The following ZNF587B variants were observed in gnomAD, a reference collection of about 807,000 sequenced individuals.
ZNF587B encodes zinc finger protein 587B.
In ZNF587B, 6 loss-of-function variants were observed where a neutral mutation model predicts 7.2. The observed-to-expected ratio is 0.83, with a 90% CI of 0.46 to 1.65. The LOEUF is 1.65. ZNF587B is among the 40% of genes most tolerant of loss of function. The probability of loss-of-function intolerance (pLI) is 0.01; values close to 1 mark genes in which losing one functional copy is unlikely to be tolerated. For missense variants in ZNF587B, 749 were observed against 761.0 expected, an observed-to-expected ratio of 0.98 and a Z score of 0.19; for synonymous variants, 274 against 254.3, an observed-to-expected ratio of 1.08 and a Z score of -0.74.
intron 1 of ZNF587B, among the ~76,000 whole-genome samples, chr19:57,838,298 A>T (rs1568499248): frequency 6.6e-6 from 1 of 150,840 alleles, no homozygotes; most frequent in Non-Finnish European, 1.5e-5. Flanking sequence ...AAAAAATAAA[A>T]AAAAAAAGAT....
rs1016442208 is a variant in ZNF587B at position 57,843,233 on chromosome 19, C to G, written c.*657C>G. ...TATCGAACTCCTGAGCTCAAGCAAT[C>G]TGTACACCTCAGCCTCCCAAAGTGC... On this transcript the variant is annotated 3_prime_UTR_variant, in exon 3 of 3. Coordinates refer to ENST00000594901, the MANE Select transcript of ZNF587B (RefSeq NM_001376223.1). The G allele has an allele frequency of 2.2e-5, 20 of 928,040 alleles. No individual in the cohort carries two copies. Among genetic ancestry groups the G allele is most frequent in the Middle Eastern group, 5.5e-4 (1 of 1,832 alleles). 57.5% of individuals were successfully genotyped at this position (928,040 alleles called of 1,614,324 possible).
rs1281598048 is a variant in ZNF587B at position 57,842,569 on chromosome 19, C to G, written c.1895C>G (p.Ala632Gly). 9 of 1,514,336 alleles carry G rather than the reference C, an allele frequency of 5.9e-6. No homozygotes were observed. The highest frequency in any genetic ancestry group is 2.3e-5 in the Admixed American group (1 of 43,588). 93.8% of individuals were successfully genotyped at this position (1,514,336 alleles called of 1,614,324 possible). Reference protein sequence around the residue: ...RYHQRVHERKAL With the variant: ...RYHQRVHERKGL ...CATCAGAGAGTTCATGAAAGAAAGG[C>G]CTTATGAGTGCAGAGAATGAGTCCA... Residue 632 changes from alanine to glycine, a missense_variant, in exon 3 of 3, where the codon GCC (alanine) becomes GGC (glycine). Coordinates refer to ENST00000594901, the MANE Select transcript of ZNF587B (RefSeq NM_001376223.1).
At position 57,842,200 on chromosome 19, in the gene ZNF587B, T is replaced by C. The variant is rs752961063; in HGVS notation, c.1526T>C (p.Leu509Pro). ...CQKFFRHKCH[L>P]TAHQRVHTGE... ...AAATTTTTTAGGCACAAGTGCCACCTCACTGCACACCAGAGAGTTCACACT... is the reference window on the plus strand; with the variant it reads ...AAATTTTTTAGGCACAAGTGCCACCCCACTGCACACCAGAGAGTTCACACT... Residue 509 changes from leucine (L) to proline (P), a missense_variant, in exon 3 of 3, where the codon CTC becomes CCC. Physicochemically the swap from Leu to Pro is moderately conservative, Grantham distance 98. Around this residue, in one of 3 missense-constraint regions of ZNF587B, gnomAD observed 656 missense variants for 596.5 expected, o/e 1.10. Transcript: ENST00000594901. The C allele has an allele frequency of 1.2e-6, 2 of 1,613,362 alleles. No homozygotes were observed. Among genetic ancestry groups the C allele is most frequent in the Non-Finnish European group, 1.7e-6 (2 of 1,179,620 alleles).
chr19:57,835,403 C>T (rs1988561735), intron 1 of ZNF587B, among the ~76,000 whole-genome samples: 1 of 126,264 alleles, frequency 7.9e-6, no homozygotes, highest in Admixed American at 7.9e-5. Context: ...TGTCACCAGG[C>T]TGGAGTGCAG....
chr19:57,840,339 C>T (rs1267754466), intron 2 of ZNF587B, among the ~76,000 whole-genome samples: 4 of 152,214 alleles, frequency 2.6e-5, no homozygotes, highest in Non-Finnish European at 5.9e-5. Context: ...AATATCCATT[C>T]TCCTATCTAA....
intron 1 of ZNF587B, among the ~76,000 whole-genome samples, chr19:57,832,284 G>A (rs1262684812): frequency 1.3e-5 from 2 of 151,924 alleles, no homozygotes; most frequent in South Asian, 2.1e-4. Context: ...ACGGGGTTCC[G>A]CCATGTTGGC....
At chr19:57,831,716 T>A (rs1013758707) in intron 1 of ZNF587B, among the ~76,000 whole-genome samples, 61 of 150,490 alleles carry the variant, frequency 4.1e-4, no homozygotes, top group African/African-American at 5.9e-4. Flanking sequence ...TTATTTTTTT[T>A]TTTTTTGAGA....
chr19:57,831,747 C>G (rs1000636782), intron 1 of ZNF587B, among the ~76,000 whole-genome samples: 2 of 150,752 alleles, frequency 1.3e-5, no homozygotes, highest in Non-Finnish European at 3.0e-5. Context: ...GTCTGTCACC[C>G]AGCCTGGAGT....
Position 57,843,701 on chromosome 19 carries a change from A to C in ZNF587B, c.*1125A>C, listed in dbSNP as rs1220792664. The C allele has an allele frequency of 4.2e-6, 2 of 478,424 alleles. No individual in the cohort carries two copies. The highest frequency in any genetic ancestry group is 2.2e-5 in the African/African-American group (1 of 45,158). The allele number at this position is 478,424 out of a possible 1,614,324, so 29.6% of individuals were successfully genotyped here. A position where few individuals can be genotyped will look rare whatever the true frequency, so the allele number is the denominator to read the frequency against. ...ATTGCAACCTCTGCCTCCTGAGTTC[A>C]AGCAATTCTCCTTTCTCAGCCTCCT... On this transcript the variant is annotated 3_prime_UTR_variant, in exon 3 of 3. Coordinates refer to ENST00000594901, the MANE Select transcript of ZNF587B (RefSeq NM_001376223.1).
At chr19:57,837,375 A>G (rs1190571020) in intron 1 of ZNF587B, among the ~76,000 whole-genome samples, 6 of 147,356 alleles carry the variant, frequency 4.1e-5, no homozygotes, top group Non-Finnish European at 6.0e-5. Flanking sequence ...TCCTGCCTCA[A>G]CCTCCTGAGT....
In ZNF587B at chr19:57,844,178, C is replaced by T. The variant is rs1988985661; in HGVS notation, c.*1602C>T. Reference sequence around the variant, plus strand: ...ACCATGGACCTTCCCCATTTTTGTCCCAGAGGACTCTTGTGCTGACTTGAA... The same window carrying T: ...ACCATGGACCTTCCCCATTTTTGTCTCAGAGGACTCTTGTGCTGACTTGAA... On this transcript the variant is annotated 3_prime_UTR_variant, in exon 3 of 3. Transcript: ENST00000594901. 2 of 390,104 alleles carry T rather than the reference C, an allele frequency of 5.1e-6. No individual in the cohort carries two copies. The highest frequency in any genetic ancestry group is 1.0e-5 in the Non-Finnish European group (2 of 200,644). The allele number at this position is 390,104 out of a possible 1,614,324, so 24.2% of individuals were successfully genotyped here. A position where few individuals can be genotyped will look rare whatever the true frequency, so the allele number is the denominator to read the frequency against.
At chr19:57,836,226 T>C (rs1426714644) in intron 1 of ZNF587B, among the ~76,000 whole-genome samples, 4 of 152,036 alleles carry the variant, frequency 2.6e-5, no homozygotes, top group African/African-American at 9.7e-5. Flanking sequence ...CATGGATAGC[T>C]GAAGCCACAC....
At chr19:57,830,924 C>G (rs1243408769) in intron 1 of ZNF587B, among the ~76,000 whole-genome samples, 1 of 151,910 alleles carries the variant, frequency 6.6e-6, no homozygotes, top group African/African-American at 2.4e-5. Flanking sequence ...GAGGGGGGGT[C>G]TAGTTAAAAC....
Position 57,830,443 on chromosome 19 carries a change from C to G in ZNF587B, c.-86C>G. 6.8e-7 allele frequency: 1 copy of G among 1,460,452 alleles called. No individual in the cohort carries two copies. Among genetic ancestry groups the G allele is most frequent in the African/African-American group, 1.4e-5 (1 of 71,488 alleles). The allele number at this position is 1,460,452 out of a possible 1,614,324, so 90.5% of individuals were successfully genotyped here. On this transcript the variant is annotated 5_prime_UTR_variant, in exon 1 of 3. Coordinates refer to ENST00000594901, the MANE Select transcript of ZNF587B (RefSeq NM_001376223.1). ...TGTGACGGCGCCAAGCGTGACCCAC[C>G]CCTGGGCCAGGATAGGGACCGTCAT... is the stretch of plus-strand genomic sequence containing the variant.
intron 1 of ZNF587B, among the ~76,000 whole-genome samples, chr19:57,837,344 C>T (rs1988657187): frequency 6.6e-6 from 1 of 151,974 alleles, no homozygotes; most frequent in Non-Finnish European, 1.5e-5. Flanking sequence ...GCAACCTTCG[C>T]CTCCCTGGTT....
intron 1 of ZNF587B, among the ~76,000 whole-genome samples, chr19:57,835,690 C>T (rs1190619666): frequency 1.4e-5 from 2 of 142,832 alleles, no homozygotes; most frequent in African/African-American, 5.4e-5. Flanking sequence ...TTAGCAGCAG[C>T]AGTGATAGAA....
At chr19:57,836,935 C>A (rs1341158415) in intron 1 of ZNF587B, among the ~76,000 whole-genome samples, 1 of 147,758 alleles carries the variant, frequency 6.8e-6, no homozygotes, top group Non-Finnish European at 1.5e-5. Context: ...CCCGCTCCAG[C>A]CTGGGTGACA....
At chr19:57,832,077 A>G (rs1341813856) in intron 1 of ZNF587B, among the ~76,000 whole-genome samples, 1 of 151,048 alleles carries the variant, frequency 6.6e-6, no homozygotes, top group Non-Finnish European at 1.5e-5. Flanking sequence ...GTGAAATACA[A>G]ATTGTCTTTT....
Position 57,839,082 on chromosome 19 carries a change from T to G in ZNF587B, c.96T>G (p.Leu32=). The G allele has an allele frequency of 1.2e-6, 2 of 1,614,152 alleles. No individual in the cohort carries two copies. Among genetic ancestry groups the G allele is most frequent in the Non-Finnish European group, 1.7e-6 (2 of 1,180,016 alleles). Reference sequence around the variant, plus strand: ...TTACCCAGGAGGAATGGAATCTCCTTAGTGAGGCTCAGAGATGCCTGTACC... The same window carrying G: ...TTACCCAGGAGGAATGGAATCTCCTGAGTGAGGCTCAGAGATGCCTGTACC... ...VKFTQEEWNL[L]SEAQRCLYRD... The change falls in exon 2 of 3, where the codon CTT becomes CTG. Residue 32 remains leucine (L), a synonymous_variant. Coordinates refer to ENST00000594901, the MANE Select transcript of ZNF587B (RefSeq NM_001376223.1).
Sources: gnomAD v4.1 joint callset for allele counts (sites outside exome capture counted in the v4.1 genomes callset) on GRCh38, gnomAD v4.1.1 for gene constraint, gnomAD v4.1.1 regional missense constraint, MANE v1.5 for transcripts, NCBI Gene and HGNC (gene_info 2026-07-23, HGNC 2026-07-21) for gene names.